The following EOGT variants were observed in gnomAD, a reference collection of about 807,000 sequenced individuals.
EOGT encodes EGF domain specific O-linked N-acetylglucosamine transferase.
In EOGT, 55 loss-of-function variants were observed where a neutral mutation model predicts 70.5. The ratio of observed to expected loss-of-function variants is 0.78; its 90% confidence interval spans 0.63 to 0.98. The LOEUF is 0.98. EOGT is among the 50% of genes least tolerant of loss of function. EOGT has a pLI of 0.00. For synonymous variants in EOGT, 246 were observed against 217.1 expected (o/e 1.13, Z -1.17); for missense variants, 703 against 641.9 (o/e 1.10, Z -1.03).
intron 10 of EOGT, among the ~76,000 whole-genome samples, chr3:68,995,978 A>T (rs2107291178): frequency 6.6e-6 from 1 of 152,366 alleles, no homozygotes; most frequent in Middle Eastern, 3.4e-3. Context: ...TGTTAATTAC[A>T]AAATTTAAAA....
Position 68,977,574 on chromosome 3 carries a change from T to C in EOGT, c.*44A>G. The C allele has an allele frequency of 6.3e-7, 1 of 1,593,214 alleles. No individual in the cohort carries two copies. The highest frequency in any genetic ancestry group is 8.6e-7 in the Non-Finnish European group (1 of 1,163,762). On this transcript the variant is annotated 3_prime_UTR_variant, in exon 18 of 18. Coordinates refer to ENST00000383701, the MANE Select transcript of EOGT (RefSeq NM_001278689.2). ...CTGATTTAATTCTAAGTCTGGGTGT[T>C]GGAGTGTTTAAACACTCTCTTTTTG... is the stretch of plus-strand genomic sequence containing the variant.
At chr3:68,994,932 G>T (rs2091102577) in intron 10 of EOGT, among the ~76,000 whole-genome samples, 1 of 152,206 alleles carries the variant, frequency 6.6e-6, no homozygotes, top group Non-Finnish European at 1.5e-5. Flanking sequence ...ATCTGAAGAT[G>T]GGTCCCTCTA....
At chr3:68,979,958 TAA>T (rs1424009807) in intron 15 of EOGT, among the ~76,000 whole-genome samples, 171 bp from the exon 16 acceptor site, 12 of 152,258 alleles carry the variant, frequency 7.9e-5, no homozygotes, top group African/African-American at 2.9e-4. Flanking sequence ...TAGTAATTAA[TAA>T]GTTTCTTAAT....
intron 10 of EOGT, among the ~76,000 whole-genome samples, chr3:68,996,126 T>C (rs1439351947): frequency 1.3e-5 from 2 of 152,064 alleles, no homozygotes; most frequent in African/African-American, 2.4e-5. Context: ...CACAAAACAT[T>C]TCGAAGAAAT....
At position 69,009,678 on chromosome 3, in the gene EOGT, T is replaced by C. The variant is rs1185795533; in HGVS notation, c.169A>G (p.Ile57Val). 2.5e-6 allele frequency: 4 copies of C among 1,613,862 alleles called. No homozygotes were observed. Among genetic ancestry groups the C allele is most frequent in the South Asian group, 1.1e-5 (1 of 91,082 alleles). Residue 57 changes from isoleucine to valine, a missense_variant, in exon 4 of 18, where the codon ATT becomes GTT. By Grantham distance (29) the Ile-to-Val change is conservative. Coordinates refer to ENST00000383701, the MANE Select transcript of EOGT (RefSeq NM_001278689.2). ...IPFFLHNNRH[I>V]ATVCRKDSLC... ...GAGTCTTTCCTACAGACAGTGGCAATATGCCTATTGTTGTGCAAAAAGAAG... is the reference window on the plus strand; with the variant it reads ...GAGTCTTTCCTACAGACAGTGGCAACATGCCTATTGTTGTGCAAAAAGAAG...
At chr3:69,001,422 G>T (rs532889992) in intron 9 of EOGT, among the ~76,000 whole-genome samples, 186 bp downstream of exon 9, 3 of 152,212 alleles carry the variant, frequency 2.0e-5, no homozygotes, top group Non-Finnish European at 4.4e-5. Flanking sequence ...CTTCTAAAAT[G>T]CCCAAGTTAT....
Position 68,977,514 on chromosome 3 carries a change from G to T in EOGT, c.*104C>A. On this transcript the variant is annotated 3_prime_UTR_variant, in exon 18 of 18. Transcript: ENST00000383701. ...TGAAGGTATGTTTTGGCATAGAAAAGGTAATTCGGGGATAGGAAATAACAG... is the reference window on the plus strand; with the variant it reads ...TGAAGGTATGTTTTGGCATAGAAAATGTAATTCGGGGATAGGAAATAACAG... 8.1e-7 allele frequency: 1 copy of T among 1,230,026 alleles called. No homozygotes were observed. The highest frequency in any genetic ancestry group is 1.2e-6 in the Non-Finnish European group (1 of 857,112). 76.2% of individuals were successfully genotyped at this position (1,230,026 alleles called of 1,614,324 possible).
At chr3:68,997,877 G>A (rs575196584) in intron 10 of EOGT, 134 bp downstream of exon 10, 7 of 596,228 alleles carry the variant, frequency 1.2e-5, no homozygotes, top group Admixed American at 3.4e-5. Flanking sequence ...AGATACATTC[G>A]CACCCATCCG....
At chr3:69,006,378 A>G (rs1031672820) in intron 6 of EOGT, among the ~76,000 whole-genome samples, 6 of 152,186 alleles carry the variant, frequency 3.9e-5, no homozygotes, top group Admixed American at 3.3e-4. Flanking sequence ...ATAGCTCTAT[A>G]AAGTATATAC....
chr3:68,991,152 T>C (rs997695534), intron 10 of EOGT, among the ~76,000 whole-genome samples: 1 of 152,246 alleles, frequency 6.6e-6, no homozygotes, highest in African/African-American at 2.4e-5. Flanking sequence ...TCATACATTA[T>C]TGAATAAGAA....
At chr3:69,002,051 G>A (rs866990016) in intron 8 of EOGT, among the ~76,000 whole-genome samples, 1 of 152,138 alleles carries the variant, frequency 6.6e-6, no homozygotes, top group South Asian at 2.1e-4. Flanking sequence ...TTAGCTGGGC[G>A]TAGTGGCGAG....
At chr3:68,982,727 TC>T in intron 15 of EOGT, 83 bp downstream of exon 15, 1 of 925,490 alleles carries the variant, frequency 1.1e-6, no homozygotes, top group Non-Finnish European at 1.6e-6. Context: ...TGCCAATGGC[TC>T]CCACTGGAAA....
At chr3:68,977,827 G>A in intron 17 of EOGT, 63 bp from the exon 18 acceptor site, 1 of 1,503,888 alleles carries the variant, frequency 6.6e-7, no homozygotes. Context: ...CTCTACAGCA[G>A]GAAAATTATG....
At chr3:68,996,825 A>G (rs974748251) in intron 10 of EOGT, among the ~76,000 whole-genome samples, 1 of 152,186 alleles carries the variant, frequency 6.6e-6, no homozygotes, top group African/African-American at 2.4e-5. Context: ...GTGGAACCTT[A>G]TATGACCCCT....
intron 14 of EOGT, among the ~76,000 whole-genome samples, chr3:68,987,143 A>G (rs950929650): frequency 6.6e-6 from 1 of 152,198 alleles, no homozygotes; most frequent in Non-Finnish European, 1.5e-5. Flanking sequence ...AAAGTCTTAC[A>G]TTTTTGCTAC....
intron 8 of EOGT, 28 bp downstream of exon 8, chr3:69,004,350 C>T (rs373474199): frequency 1.4e-5 from 22 of 1,542,944 alleles, no homozygotes; most frequent in African/African-American, 9.6e-5. Context: ...CAAATATTTC[C>T]GAAACAGATA....
At position 68,979,690 on chromosome 3, in the gene EOGT, C is replaced by G. The variant is rs931770175; in HGVS notation, c.1312G>C (p.Asp438His). 2 of 1,613,878 alleles carry G rather than the reference C, an allele frequency of 1.2e-6. No homozygotes were observed. Among genetic ancestry groups the G allele is most frequent in the Non-Finnish European group, 8.5e-7 (1 of 1,179,860 alleles). Residue 438 changes from aspartate (D) to histidine (H), a missense_variant, in exon 16 of 18, where the codon GAC (aspartate) becomes CAC (histidine). Physicochemically the swap from Asp to His is moderately conservative, Grantham distance 81. Transcript: ENST00000383701. The stretch of plus-strand genomic sequence containing the variant: ...TACAGTTCAAATACAGCAGCCCAGT[C>G]TGGAAGGAAAAGTAAATGGGTCAGA... Reference protein sequence around the residue: ...AGLTHLLFLPDWAAVFELYNC... With the variant: ...AGLTHLLFLPHWAAVFELYNC...
chr3:68,997,874 T>C, intron 10 of EOGT, 137 bp downstream of exon 10: 2 of 595,000 alleles, frequency 3.4e-6, no homozygotes, highest in Non-Finnish European at 6.0e-6. Context: ...TACAGATACA[T>C]TCGCACCCAT....
intron 13 of EOGT, 183 bp from the exon 14 acceptor site, chr3:68,987,696 C>T: frequency 3.3e-6 from 2 of 597,606 alleles, no homozygotes; most frequent in Non-Finnish European, 5.9e-6. Context: ...CCACTTCAAC[C>T]ACCGAAGGCA....
Sources: allele counts gnomAD v4.1 joint callset (sites outside exome capture counted in the v4.1 genomes callset), GRCh38; gene constraint gnomAD v4.1.1; transcripts MANE v1.5; gene names NCBI Gene and HGNC (gene_info 2026-07-23, HGNC 2026-07-21).